ARHGEF1: variants seen among roughly 807,000 people sequenced by gnomAD.
ARHGEF1 encodes the protein Rho guanine nucleotide exchange factor 1, also known as 115 kDa guanine nucleotide exchange factor.
Under a neutral mutation model 119.7 loss-of-function variants are expected in ARHGEF1, and 40 were observed. That is an observed-to-expected ratio of 0.33 (90% CI 0.26 to 0.44). ARHGEF1 has a LOEUF of 0.44. ARHGEF1 is among the 20% of genes least tolerant of loss of function. ARHGEF1 has a pLI of 1.00. For synonymous variants in ARHGEF1, 494 were observed against 521.0 expected, an observed-to-expected ratio of 0.95 and a Z score of 0.71; for missense variants, 976 against 1,268.3, an observed-to-expected ratio of 0.77 and a Z score of 3.50.
chr19:41,907,513 T>A, downstream of ARHGEF1: 1 of 1,091,728 alleles, frequency 9.2e-7, no homozygotes, highest in Admixed American at 2.7e-5. Flanking sequence ...TCTGTGACTG[T>A]CTGGCGTTGA....
chr19:41,902,505 C>A lies in ARHGEF1; in HGVS notation c.1498-28C>A. 1 of 1,613,788 alleles carries A rather than the reference C, an allele frequency of 6.2e-7. No homozygotes were observed. Among genetic ancestry groups the A allele is most frequent in the East Asian group, 2.2e-5 (1 of 44,886 alleles). On this transcript the variant is annotated intron_variant, in intron 16 of 28. Transcript: ENST00000354532. This position sits in a 1 kb window ranked among gnomAD's most constrained non-coding sequence, Gnocchi z 6.5. ...CTGTTCTTGCCCATCCCCACTGAGA[C>A]ACCTGCCTGGCCTGAATCTCGCTGT...
chr19:41,896,346 T>A, intron 12 of ARHGEF1, 31 bp from the exon 13 acceptor site: 2 of 1,317,888 alleles, frequency 1.5e-6, no homozygotes, highest in Non-Finnish European at 2.0e-6. Flanking sequence ...GCAGAGGCCT[T>A]CCAGCCAGCC....
Position 41,889,074 on chromosome 19 carries a change from T to C in ARHGEF1, c.225+209T>C. The C allele has an allele frequency of 1.8e-6, 1 of 542,942 alleles. No homozygotes were observed. The highest frequency in any genetic ancestry group is 3.3e-6 in the Non-Finnish European group (1 of 302,306). 33.6% of individuals were successfully genotyped at this position (542,942 alleles called of 1,614,324 possible). A position where few individuals can be genotyped will look rare whatever the true frequency, so the allele number is the denominator to read the frequency against. ...CAGGCTTACAAGTGCCCAGGGTAGATCTCAGTGCGCAGCGGGCAGGGTACA... is the reference window on the plus strand; with the variant it reads ...CAGGCTTACAAGTGCCCAGGGTAGACCTCAGTGCGCAGCGGGCAGGGTACA... On this transcript the variant is annotated intron_variant, in intron 4 of 28. Coordinates refer to ENST00000354532, the MANE Select transcript of ARHGEF1 (RefSeq NM_004706.4). The surrounding 1 kb of genome is among the most constrained non-coding windows in gnomAD (Gnocchi z 4.0).
downstream of ARHGEF1, chr19:41,907,784 G>A (rs909012818): frequency 5.2e-6 from 1 of 192,336 alleles, no homozygotes; most frequent in Non-Finnish European, 1.1e-5. Flanking sequence ...TGGGGAGGGG[G>A]GCCCCTCCTG....
rs1172247287 is a variant in ARHGEF1 at position 41,915,132 on chromosome 19, GC to G, written c.1866-7955del. The stretch of plus-strand genomic sequence containing the variant: ...CAGGGTCCCCCTCCTTCCTCCCCCC[GC>G]CCCCACCCCCTATTGGCCCCTCTCA... On this transcript the variant is annotated intron_variant, in intron 18 of 20. Transcript: ENST00000599589. Among the ~76,000 whole-genome samples, 8 of 16,688 alleles carry G rather than the reference GC, an allele frequency of 4.8e-4. No individual in the cohort carries two copies. The East Asian group carries it at 0.019, about 39-fold the overall frequency. The allele number at this position is 16,688 out of a possible 152,430, so 10.9% of individuals were successfully genotyped here. A position where few individuals can be genotyped will look rare whatever the true frequency, so the allele number is the denominator to read the frequency against.
At chr19:41,893,041 G>C (rs1392615943) in intron 7 of ARHGEF1, 192 bp downstream of exon 7, 22 of 1,057,200 alleles carry the variant, frequency 2.1e-5, no homozygotes, top group Non-Finnish European at 2.9e-5. Flanking sequence ...CCAGCTTTGG[G>C]GTTCCCTTGT....
intron 13 of ARHGEF1, chr19:41,897,853 T>C: frequency 8.1e-7 from 1 of 1,231,224 alleles, no homozygotes; most frequent in Non-Finnish European, 1.0e-6. Flanking sequence ...TCTGTCCCTG[T>C]CCTGGTTTCT....
chr19:41,910,716 G>A (rs1350070788), downstream of ARHGEF1, among the ~76,000 whole-genome samples: 1 of 152,084 alleles, frequency 6.6e-6, no homozygotes, highest in Non-Finnish European at 1.5e-5. This position sits in a 1 kb window ranked among gnomAD's most constrained non-coding sequence, Gnocchi z 4.4. Flanking sequence ...AGTCCAGAAC[G>A]ATGTGTGTGT....
At position 41,895,404 on chromosome 19, in the gene ARHGEF1, C is replaced by T. The variant is rs2074467201; in HGVS notation, c.933C>T (p.Asp311=). 6.2e-7 allele frequency: 1 copy of T among 1,612,634 alleles called. No individual in the cohort carries two copies. The highest frequency in any genetic ancestry group is 1.7e-5 in the Admixed American group (1 of 59,976). The stretch of plus-strand genomic sequence containing the variant: ...GAGGCGTGGGGATGCCCTCTCGGGA[C>T]CGGAATATCGGGGCTCCTGGGCAGG... ...RKGGVGMPSR[D]RNIGAPGQDT... is the part of the protein sequence containing the mutation. Residue 311 remains aspartate (D), a synonymous_variant, in exon 12 of 29, where the codon GAC becomes GAT. Coordinates refer to ENST00000354532, the MANE Select transcript of ARHGEF1 (RefSeq NM_004706.4).
intron 4 of ARHGEF1, among the ~76,000 whole-genome samples, chr19:41,891,409 G>A (rs549520407): frequency 1.3e-5 from 2 of 152,170 alleles, no homozygotes; most frequent in South Asian, 2.1e-4. Flanking sequence ...TCAGCCTCCC[G>A]AGTAGCTGGG....
chr19:41,925,263 G>A (rs2074864759), intron 1 of ARHGEF1, among the ~76,000 whole-genome samples: 1 of 152,100 alleles, frequency 6.6e-6, no homozygotes, highest in Non-Finnish European at 1.5e-5. Context: ...CAGGTGCAGG[G>A]GGTTACTGGT....
rs1220843246 is a variant in ARHGEF1, at chr19:41,903,182, A to G, written c.1739-125A>G. ...AGCTATCCTCCCGCCTCAGCCTCCC[A>G]AAGTGCTTGGATTACAGGCGTGAGC... is the stretch of plus-strand genomic sequence containing the variant. On this transcript the variant is annotated intron_variant, in intron 18 of 28. Coordinates refer to ENST00000354532, the MANE Select transcript of ARHGEF1 (RefSeq NM_004706.4). This position sits in a 1 kb window ranked among gnomAD's most constrained non-coding sequence, Gnocchi z 4.2. 2.3e-6 allele frequency: 2 copies of G among 853,342 alleles called. No individual in the cohort carries two copies. The highest frequency in any genetic ancestry group is 3.4e-5 in the African/African-American group (2 of 59,040). The allele number at this position is 853,342 out of a possible 1,614,324, so 52.9% of individuals were successfully genotyped here. A position where few individuals can be genotyped will look rare whatever the true frequency, so the allele number is the denominator to read the frequency against.
In ARHGEF1 at chr19:41,917,244, T is replaced by C. The variant is rs1227045229; in HGVS notation, c.1866-5848T>C. Among the ~76,000 whole-genome samples, 1 of 152,048 alleles carries C rather than the reference T, an allele frequency of 6.6e-6. No individual in the cohort carries two copies. Among genetic ancestry groups the C allele is most frequent in the Non-Finnish European group, 1.5e-5 (1 of 68,012 alleles). ...ATCTCCATCTCTGAGTGTCTCTGTT[T>C]CCCCCATCTCTCTCTCTGGGTGCAT... On this transcript the variant is annotated intron_variant, in intron 18 of 20. Coordinates refer to the ARHGEF1 transcript ENST00000599589. This position sits in a 1 kb window ranked among gnomAD's most constrained non-coding sequence, Gnocchi z 4.8.
At position 41,903,065 on chromosome 19, in the gene ARHGEF1, A is replaced by T. The variant is rs1415865548; in HGVS notation, c.1738+167A>T. 6.6e-6 allele frequency among the ~76,000 whole-genome samples: 1 copy of T among 151,000 alleles called. No individual in the cohort carries two copies. The highest frequency in any genetic ancestry group is 1.5e-5 in the Non-Finnish European group (1 of 67,788). On this transcript the variant is annotated intron_variant, in intron 18 of 28. Transcript: ENST00000354532. The surrounding 1 kb of genome is among the most constrained non-coding windows in gnomAD (Gnocchi z 4.2). ...CCCAAGTAGCTGGGACCCCAAGGGC[A>T]CACCACCATGCCCAGCTAATTTTTT...
At chr19:41,885,370 C>T (rs2074278116) in intron 1 of ARHGEF1, among the ~76,000 whole-genome samples, 1 of 152,244 alleles carries the variant, frequency 6.6e-6, no homozygotes, top group South Asian at 2.1e-4. Flanking sequence ...TGATGTGTCT[C>T]AGAGCTTTGG....
In ARHGEF1 at chr19:41,892,658, G is replaced by A. The variant is rs782810737; in HGVS notation, c.423G>A (p.Glu141=). 1 of 1,613,578 alleles carries A rather than the reference G, an allele frequency of 6.2e-7. No homozygotes were observed. Among genetic ancestry groups the A allele is most frequent in the South Asian group, 1.1e-5 (1 of 91,004 alleles). Residue 141 remains glutamate (E), a synonymous_variant, in exon 7 of 29, where the codon GAG becomes GAA. Coordinates refer to ENST00000354532, the MANE Select transcript of ARHGEF1 (RefSeq NM_004706.4). This position sits in a 1 kb window ranked among gnomAD's most constrained non-coding sequence, Gnocchi z 6.3. ...ATGTCCAGCGGCGGTTCGTGCAGGA[G>A]GTGGTGCAAAGCCAGCAGGTAGCCG... ...SEDVQRRFVQ[E]VVQSQQVAVG...
In ARHGEF1 at chr19:41,901,960, A is replaced by G; in HGVS notation, c.1341A>G (p.Ala447=). The G allele has an allele frequency of 6.2e-7, 1 of 1,614,080 alleles. No homozygotes were observed. The highest frequency in any genetic ancestry group is 2.2e-5 in the East Asian group (1 of 44,880). ...ACGACCTCTTCTTCCAGCCCATGGC[A>G]GAATGCCTGTTCTTCCCCTTGGAGG... ...VLHDLFFQPM[A]ECLFFPLEEL... The change falls in exon 15 of 29, where the codon GCA becomes GCG. Residue 447 remains alanine, a synonymous_variant. Transcript: ENST00000354532.
Position 41,902,147 on chromosome 19 carries a change from A to G in ARHGEF1, c.1414+114A>G. The G allele has an allele frequency of 1.9e-6, 3 of 1,557,828 alleles. No individual in the cohort carries two copies. The highest frequency in any genetic ancestry group is 1.2e-5 in the South Asian group (1 of 84,948). ...CAGGGTTCACATGGGGTGGGGGCAG[A>G]TACGCCATCCGGTCCCGAGGATCAG... On this transcript the variant is annotated intron_variant, in intron 15 of 28. Transcript: ENST00000354532. This position sits in a 1 kb window ranked among gnomAD's most constrained non-coding sequence, Gnocchi z 6.5.
chr19:41,884,515 G>A (rs1555844931), intron 1 of ARHGEF1: 1 of 1,605,826 alleles, frequency 6.2e-7, no homozygotes, highest in Non-Finnish European at 8.5e-7. Flanking sequence ...GGTCCCCAGC[G>A]GGTGTCAGAC....
Sources: allele counts gnomAD v4.1 joint callset (sites outside exome capture counted in the v4.1 genomes callset), GRCh38; gene constraint gnomAD v4.1.1; non-coding constraint Gnocchi (gnomAD v3.1); transcripts MANE v1.5; gene names NCBI Gene and HGNC (gene_info 2026-07-23, HGNC 2026-07-21).